Variants in ALMS1 observed in about 807,000 individuals in gnomAD.
The protein encoded by ALMS1 is ALMS1 centrosome and basal body associated protein.
A neutral mutation model predicts 352.2 loss-of-function variants in ALMS1; 271 were observed. The observed-to-expected ratio is 0.77, with a 90% confidence interval of 0.70 to 0.85. The LOEUF (loss-of-function observed/expected upper bound fraction) is 0.85, where lower values mean the gene tolerates loss of function less well. ALMS1 is among the 40% of genes least tolerant of loss of function. The pLI is 0.00. For synonymous variants in ALMS1, 1,865 were observed against 1,761.2 expected, an observed-to-expected ratio of 1.06 and a Z score of -1.48; for missense variants, 5,445 against 4,870.7, an observed-to-expected ratio of 1.12 and a Z score of -3.51.
rs1404073116 is a variant in ALMS1, at chr2:73,525,308, T to C, written c.9781+5292T>C. On this transcript the variant is annotated intron_variant, in intron 11 of 22. Coordinates refer to ENST00000613296, the MANE Select transcript of ALMS1 (RefSeq NM_001378454.1). ...TATACCTAGCAGTGGGATTGCTGGATCATATGTTAGCTCTAATTGTAGTTT... is the reference window on the plus strand; with the variant it reads ...TATACCTAGCAGTGGGATTGCTGGACCATATGTTAGCTCTAATTGTAGTTT... 3.3e-5 allele frequency among the ~76,000 whole-genome samples: 5 copies of C among 152,322 alleles called. No homozygotes were observed. The East Asian group carries it at 9.6e-4, about 29-fold the overall frequency.
intron 12 of ALMS1, among the ~76,000 whole-genome samples, chr2:73,549,152 G>A (rs1674378634): frequency 6.6e-6 from 1 of 152,192 alleles, no homozygotes; most frequent in Admixed American, 6.5e-5. Context: ...TAGGAGATTA[G>A]TATAAGCCTT....
chr2:73,454,184 A>C, intron 8 of ALMS1, 117 bp downstream of exon 8: 1 of 1,489,592 alleles, frequency 6.7e-7, no homozygotes, highest in Non-Finnish European at 8.9e-7. Context: ...CAAGAAAAAA[A>C]ATGAAGTTAG....
At position 73,422,954 on chromosome 2, in the gene ALMS1, A is replaced by G; in HGVS notation, c.744A>G (p.Glu248=). 1 of 1,612,970 alleles carries G rather than the reference A, an allele frequency of 6.2e-7. No homozygotes were observed. Residue 248 remains glutamate, a synonymous_variant, in exon 4 of 23, where the codon GAA becomes GAG. Coordinates refer to ENST00000613296, the MANE Select transcript of ALMS1 (RefSeq NM_001378454.1). ...CTGATTCTTTATTTCATCAAAGTGA[A>G]CTAAGTTTTGCACCTCTGAGGTAGG... ...FAPDSLFHQS[E]LSFAPLRGIP... is the part of the protein sequence containing the mutation.
At chr2:73,511,801 G>A (rs868183835) in intron 10 of ALMS1, among the ~76,000 whole-genome samples, 10 of 152,158 alleles carry the variant, frequency 6.6e-5, no homozygotes, top group African/African-American at 2.2e-4. Flanking sequence ...AAAACATAGA[G>A]GTGCTGTGGA....
At chr2:73,525,725 G>A (rs1207907982) in intron 11 of ALMS1, among the ~76,000 whole-genome samples, 1 of 151,938 alleles carries the variant, frequency 6.6e-6, no homozygotes, top group Non-Finnish European at 1.5e-5. Context: ...CTCCTATTCG[G>A]TGGTTTGTCT....
intron 9 of ALMS1, among the ~76,000 whole-genome samples, chr2:73,464,896 A>T (rs1672296111): frequency 1.3e-5 from 2 of 152,182 alleles, no homozygotes; most frequent in Admixed American, 6.5e-5. Context: ...CAAGGGATGG[A>T]AGGACTTCTT....
chr2:73,526,805 T>C (rs1673800989), intron 11 of ALMS1, among the ~76,000 whole-genome samples: 1 of 152,184 alleles, frequency 6.6e-6, no homozygotes, highest in Non-Finnish European at 1.5e-5. Context: ...TCCAGTGCTA[T>C]GTTGAATAAC....
In ALMS1 at chr2:73,448,614, C is replaced by A. The variant is rs1490504758; in HGVS notation, c.2087C>A (p.Ser696Ter). ...CTAACTGATCAGGCTCTGAAAGTCT[C>A]AGCTGTGTCTGGACCAGCTGACCAG... ...GHLTDQALKV[S>*]AVSGPADQKT... is the part of the protein sequence containing the mutation. The change falls in exon 8 of 23, where the codon TCA becomes TAA. Residue 696 changes from serine to a stop codon, truncating the protein, a stop_gained. Coordinates refer to ENST00000613296, the MANE Select transcript of ALMS1 (RefSeq NM_001378454.1). LOFTEE classifies it high-confidence loss of function. 3.1e-6 allele frequency: 5 copies of A among 1,613,902 alleles called. No individual in the cohort carries two copies. The East Asian group carries it at 1.1e-4, about 36-fold the overall frequency.
rs1225146552 is a variant in ALMS1 at position 73,451,917 on chromosome 2, G to T, written c.5390G>T (p.Gly1797Val). Residue 1797 changes from glycine to valine, a missense_variant, in exon 8 of 23, where the codon GGG (glycine) becomes GTG (valine). Physicochemically the swap from Gly to Val is moderately radical, Grantham distance 109. Coordinates refer to ENST00000613296, the MANE Select transcript of ALMS1 (RefSeq NM_001378454.1). ...CCTGGACCAGCTGACCAGAAGACTGGGGTATCAACAGTAACCTCTACTTCC... is the reference window on the plus strand; with the variant it reads ...CCTGGACCAGCTGACCAGAAGACTGTGGTATCAACAGTAACCTCTACTTCC... Reference protein sequence around the residue: ...NVPGPADQKTGVSTVTSTSYS... With the variant: ...NVPGPADQKTVVSTVTSTSYS... 1 of 1,613,790 alleles carries T rather than the reference G, an allele frequency of 6.2e-7. No individual in the cohort carries two copies. Among genetic ancestry groups the T allele is most frequent in the Non-Finnish European group, 8.5e-7 (1 of 1,179,922 alleles).
At chr2:73,594,610 C>T (rs1017500021) in intron 16 of ALMS1, among the ~76,000 whole-genome samples, 28 of 152,222 alleles carry the variant, frequency 1.8e-4, no homozygotes, top group Admixed American at 3.9e-4. Context: ...CCACCTCTCA[C>T]GTGCTACTTA....
chr2:73,391,294 C>CTTTTTTTTTTTT lies in ALMS1; in HGVS notation c.324+5108_324+5119dup, dbSNP rs397972016. Among the ~76,000 whole-genome samples the CTTTTTTTTTTTT allele has an allele frequency of 2.9e-3, 333 of 114,900 alleles. 32 individuals are homozygous for CTTTTTTTTTTTT. Among genetic ancestry groups the CTTTTTTTTTTTT allele is most frequent in the African/African-American group, 9.4e-3 (230 of 24,438 alleles). The allele number at this position is 114,900 out of a possible 152,430, so 75.4% of individuals were successfully genotyped here. On this transcript the variant is annotated intron_variant, in intron 1 of 22. Transcript: ENST00000613296. Reference sequence around the variant, plus strand: ...TTAACCTATTCATATACGTTTTATTCTTTTTTTTTTTTTTTTTGAGACGGA... The same window carrying CTTTTTTTTTTTT: ...TTAACCTATTCATATACGTTTTATTCTTTTTTTTTTTTTTTTTTTTTTTTTTTTTGAGACGGA...
intron 17 of ALMS1, among the ~76,000 whole-genome samples, 172 bp downstream of exon 17, chr2:73,599,693 C>A (rs936874300): frequency 2.0e-5 from 3 of 152,168 alleles, no homozygotes; most frequent in African/African-American, 7.2e-5. Context: ...AGTTTGTGGG[C>A]AAGAGTGTAG....
intron 1 of ALMS1, among the ~76,000 whole-genome samples, chr2:73,392,724 G>A (rs1670676001): frequency 6.6e-6 from 1 of 152,084 alleles, no homozygotes; most frequent in African/African-American, 2.4e-5. Context: ...ATGGATATGT[G>A]ATATTTTGTA....
At chr2:73,550,159 C>G (rs1213886023) in intron 12 of ALMS1, 108 bp from the exon 13 acceptor site, 8 of 1,187,888 alleles carry the variant, frequency 6.7e-6, no homozygotes, top group Admixed American at 1.9e-5. Flanking sequence ...CGTGCCTGGC[C>G]TGTAGTGCTT....
At chr2:73,524,672 C>G (rs1170140008) in intron 11 of ALMS1, among the ~76,000 whole-genome samples, 2 of 152,036 alleles carry the variant, frequency 1.3e-5, no homozygotes, top group African/African-American at 2.4e-5. Context: ...AGGCTGGTCT[C>G]GAACTCCTGA....
At chr2:73,574,463 T>C (rs946460644) in intron 16 of ALMS1, among the ~76,000 whole-genome samples, 1 of 152,158 alleles carries the variant, frequency 6.6e-6, no homozygotes, top group Non-Finnish European at 1.5e-5. Flanking sequence ...AGTAGTGACA[T>C]AACATATAAA....
At chr2:73,580,697 G>C (rs1675158620) in intron 16 of ALMS1, among the ~76,000 whole-genome samples, 1 of 152,158 alleles carries the variant, frequency 6.6e-6, no homozygotes, top group Non-Finnish European at 1.5e-5. Context: ...CTGGACATCA[G>C]ATTTTCCTCC....
In ALMS1 at chr2:73,448,026, C is replaced by T. The variant is rs769941462; in HGVS notation, c.1499C>T (p.Thr500Ile). The T allele has an allele frequency of 6.2e-7, 1 of 1,613,930 alleles. No homozygotes were observed. Among genetic ancestry groups the T allele is most frequent in the Non-Finnish European group, 8.5e-7 (1 of 1,179,874 alleles). Residue 500 changes from threonine to isoleucine, a missense_variant, in exon 8 of 23, where the codon ACT becomes ATT. Thr to Ile is a moderately conservative substitution (Grantham distance 89, BLOSUM62 -1). Coordinates refer to ENST00000613296, the MANE Select transcript of ALMS1 (RefSeq NM_001378454.1). ...AACTTGAAGTCAGGCATCACTACCA[C>T]TCCTGTTGATTCAGACATTGGATCT... Reference protein sequence around the residue: ...QSNLKSGITTTPVDSDIGSHL... With the variant: ...QSNLKSGITTIPVDSDIGSHL...
Position 73,601,425 on chromosome 2 carries a change from GCA to G in ALMS1, c.12104_12105del (p.Ala4035AspfsTer12), listed in dbSNP as rs1553421752. On this transcript the variant is annotated frameshift_variant, in exon 19 of 23. Coordinates refer to ENST00000613296, the MANE Select transcript of ALMS1 (RefSeq NM_001378454.1). LOFTEE classifies it high-confidence loss of function. ...AGACCTACTGAGGCCATTTGTGAGA[GCA>G]ACCCTTCAGGTGCAGTGACGTTGAC... The part of the protein sequence containing the change: ...GRDLLRPFVR[A>X]TLQESLQFHR... The G allele has an allele frequency of 6.2e-7, 1 of 1,614,056 alleles. No homozygotes were observed. Among genetic ancestry groups the G allele is most frequent in the Non-Finnish European group, 8.5e-7 (1 of 1,179,910 alleles).
Sources: allele counts gnomAD v4.1 joint callset (sites outside exome capture counted in the v4.1 genomes callset), GRCh38; gene constraint gnomAD v4.1.1; transcripts MANE v1.5; gene names NCBI Gene and HGNC (gene_info 2026-07-23, HGNC 2026-07-21).